Variants in RNF111 observed in about 807,000 individuals in gnomAD.
RNF111 encodes ring finger protein 111.
RNF111 carries 17 observed loss-of-function variants against 95.1 expected under a neutral mutation model. The observed-to-expected ratio is 0.18, with a 90% CI of 0.12 to 0.27. The LOEUF is 0.27. Ranked by LOEUF, RNF111 falls within the 10% of genes least tolerant of loss-of-function variation. RNF111 has a pLI of 1.00. For synonymous variants in RNF111, 440 were observed against 414.8 expected (o/e 1.06, Z -0.74); for missense variants, 1,189 against 1,210.4 (o/e 0.98, Z 0.26).
intron 2 of RNF111, among the ~76,000 whole-genome samples, chr15:59,037,576 C>T (rs1212897334): frequency 2.0e-5 from 3 of 152,160 alleles, no homozygotes; most frequent in Non-Finnish European, 4.4e-5. Context: ...GTGGCTCACA[C>T]CTGTAATCTC....
At chr15:58,988,178 G>A (rs2038651590) in intron 1 of RNF111, 110 bp downstream of exon 1, 1 of 152,496 alleles carries the variant, frequency 6.6e-6, no homozygotes, top group Non-Finnish European at 1.5e-5. Flanking sequence ...GCGGAAGGCT[G>A]GGGTCGGTGA....
At chr15:59,047,844 G>A (rs1481620709) in intron 2 of RNF111, among the ~76,000 whole-genome samples, 1 of 152,130 alleles carries the variant, frequency 6.6e-6, no homozygotes, top group Non-Finnish European at 1.5e-5. Context: ...CAAAGTGCTG[G>A]GATTATAGGC....
chr15:59,019,968 A>C (rs1265549676), intron 1 of RNF111, among the ~76,000 whole-genome samples: 2 of 152,090 alleles, frequency 1.3e-5, no homozygotes, highest in Admixed American at 6.6e-5. Context: ...CAAAAAAACA[A>C]AAAACACAAA....
chr15:59,047,051 A>G (rs1264248678), intron 2 of RNF111, among the ~76,000 whole-genome samples: 3 of 151,894 alleles, frequency 2.0e-5, no homozygotes, highest in Admixed American at 1.3e-4. Flanking sequence ...TTGAACTCCT[A>G]GGCTCAAGCA....
At chr15:59,049,076 C>T (rs988680155) in intron 2 of RNF111, among the ~76,000 whole-genome samples, 1 of 152,078 alleles carries the variant, frequency 6.6e-6, no homozygotes, top group African/African-American at 2.4e-5. Flanking sequence ...TAGCCTGACC[C>T]TGTCTCACAC....
intron 2 of RNF111, among the ~76,000 whole-genome samples, chr15:59,035,513 T>C (rs1596153482): frequency 6.6e-6 from 1 of 152,218 alleles, no homozygotes; most frequent in Admixed American, 6.5e-5. Context: ...TCATTCCACA[T>C]AACTTATGCA....
intron 6 of RNF111, among the ~76,000 whole-genome samples, chr15:59,070,200 A>G (rs753369131): frequency 1.3e-5 from 2 of 151,958 alleles, no homozygotes; most frequent in South Asian, 2.1e-4. Flanking sequence ...TGCATCATTT[A>G]TAATCTGTGT....
At chr15:58,993,007 A>G (rs1226895382) in intron 1 of RNF111, among the ~76,000 whole-genome samples, 1 of 151,648 alleles carries the variant, frequency 6.6e-6, no homozygotes, top group Non-Finnish European at 1.5e-5. Context: ...TGTCTCTACT[A>G]AAAAATACAA....
In RNF111 at chr15:59,091,039, A is replaced by G; in HGVS notation, c.2644-20A>G. The G allele has an allele frequency of 2.0e-6, 3 of 1,484,840 alleles. No homozygotes were observed. The highest frequency in any genetic ancestry group is 2.8e-6 in the Non-Finnish European group (3 of 1,065,560). The allele number at this position is 1,484,840 out of a possible 1,614,324, so 92.0% of individuals were successfully genotyped here. ...ATAATCATCTTGGCTTTTACCAGTC[A>G]TTATATTCTTCACTTTCAGGAACTG... On this transcript the variant is annotated intron_variant, in intron 11 of 13. Transcript: ENST00000348370.
chr15:59,040,257 A>T (rs933000176), intron 2 of RNF111, among the ~76,000 whole-genome samples: 1 of 152,064 alleles, frequency 6.6e-6, no homozygotes. Context: ...TTGGGACTAC[A>T]GCACATGCCA....
chr15:59,029,207 A>C (rs1407374242), intron 1 of RNF111, among the ~76,000 whole-genome samples: 1 of 151,992 alleles, frequency 6.6e-6, no homozygotes, highest in Non-Finnish European at 1.5e-5. Flanking sequence ...ACTTGTTATT[A>C]CCTGTGTTCT....
chr15:59,058,416 T>A lies in RNF111; in HGVS notation c.1232T>A (p.Ile411Asn). ...GAATCACAAGCTACTAGCGCTTCCA[T>A]TAACAATTCAAATCCATCTACCTCT... ...RMESQATSAS[I>N]NNSNPSTSEQ... is the part of the protein sequence containing the mutation. Residue 411 changes from isoleucine to asparagine, a missense_variant, in exon 5 of 14, where the codon ATT (isoleucine) becomes AAT (asparagine). Transcript: ENST00000348370. 1.2e-6 allele frequency: 2 copies of A among 1,614,156 alleles called. No individual in the cohort carries two copies. Among genetic ancestry groups the A allele is most frequent in the Non-Finnish European group, 1.7e-6 (2 of 1,179,998 alleles).
chr15:59,092,109 GA>G (rs2079070592), intron 12 of RNF111, among the ~76,000 whole-genome samples: 1 of 152,148 alleles, frequency 6.6e-6, no homozygotes, highest in South Asian at 2.1e-4. Context: ...AAAGAGTATT[GA>G]GGTATTACCA....
At chr15:59,049,454 C>T (rs1289598674) in intron 2 of RNF111, 9 of 201,954 alleles carry the variant, frequency 4.5e-5, no homozygotes, top group Non-Finnish European at 7.9e-5. Flanking sequence ...TCCATTGGTT[C>T]TCACAAAGTG....
intron 2 of RNF111, among the ~76,000 whole-genome samples, chr15:59,043,253 C>G (rs1268451089): frequency 6.6e-6 from 1 of 151,626 alleles, no homozygotes; most frequent in African/African-American, 2.4e-5. Flanking sequence ...CTCCAGGGTT[C>G]AAGTGATTCT....
chr15:59,058,934 C>A (rs1262506357), intron 5 of RNF111, among the ~76,000 whole-genome samples: 1 of 152,076 alleles, frequency 6.6e-6, no homozygotes, highest in Non-Finnish European at 1.5e-5. Context: ...TATTGCAAAT[C>A]CTTTATCTGA....
At chr15:59,008,508 C>T (rs561236225) in intron 1 of RNF111, among the ~76,000 whole-genome samples, 29 of 152,254 alleles carry the variant, frequency 1.9e-4, no homozygotes, top group South Asian at 6.2e-4. Context: ...CGTGAGCCAC[C>T]GCACTCAGCC....
intron 2 of RNF111, among the ~76,000 whole-genome samples, chr15:59,049,163 A>G (rs895926971): frequency 3.3e-5 from 5 of 152,152 alleles, no homozygotes; most frequent in African/African-American, 4.8e-5. Flanking sequence ...CTGGAACTCT[A>G]TAGCCATTAT....
At position 59,095,779 on chromosome 15, in the gene RNF111, CT is replaced by C. The variant is rs1566951644; in HGVS notation, c.*881del. The C allele has an allele frequency of 2.6e-6, 1 of 379,132 alleles. No individual in the cohort carries two copies. Among genetic ancestry groups the C allele is most frequent in the Non-Finnish European group, 4.7e-6 (1 of 214,284 alleles). The allele number at this position is 379,132 out of a possible 1,614,324, so 23.5% of individuals were successfully genotyped here. ...GAAAAAGACATGTAGAATTTGTTGT[CT>C]TCTGCTAAGCACGAAAAGTTAAGAT... is the stretch of plus-strand genomic sequence containing the variant. On this transcript the variant is annotated 3_prime_UTR_variant, in exon 14 of 14. Transcript: ENST00000348370.
Sources: gnomAD v4.1 joint callset for allele counts (sites outside exome capture counted in the v4.1 genomes callset) on GRCh38, gnomAD v4.1.1 for gene constraint, MANE v1.5 for transcripts, NCBI Gene and HGNC (gene_info 2026-07-23, HGNC 2026-07-21) for gene names.